Variants in KCNN2 observed in about 807,000 individuals in gnomAD.
KCNN2 encodes small conductance calcium-activated potassium channel protein 2.
KCNN2 carries 24 observed loss-of-function variants against 55.5 expected under a neutral mutation model. The observed-to-expected ratio is 0.43, with a 90% CI of 0.31 to 0.61. The LOEUF (loss-of-function observed/expected upper bound fraction) is 0.61. Ranked by LOEUF, KCNN2 falls within the 20% of genes least tolerant of loss-of-function variation. The probability of loss-of-function intolerance (pLI) is 0.08; values close to 1 mark genes in which losing one functional copy is unlikely to be tolerated. For synonymous variants in KCNN2, 431 were observed against 336.1 expected, an observed-to-expected ratio of 1.28 and a Z score of -3.09; for missense variants, 754 against 853.6, an observed-to-expected ratio of 0.88 and a Z score of 1.45.
intron 5 of KCNN2, among the ~76,000 whole-genome samples, chr5:114,480,883 G>A (rs920210222): frequency 3.3e-5 from 5 of 152,072 alleles, no homozygotes; most frequent in African/African-American, 9.7e-5. Context: ...AATAAGAGCC[G>A]TCTATGACAA....
At chr5:114,388,633 T>A (rs1334694410) in intron 2 of KCNN2, among the ~76,000 whole-genome samples, 1 of 152,164 alleles carries the variant, frequency 6.6e-6, no homozygotes, top group East Asian at 1.9e-4. Context: ...CTGGTTTATG[T>A]TTACTTCTTG....
At chr5:114,222,604 G>T (rs1754163314) in intron 2 of KCNN2, among the ~76,000 whole-genome samples, 1 of 152,086 alleles carries the variant, frequency 6.6e-6, no homozygotes, top group Non-Finnish European at 1.5e-5. Context: ...TTATCGGATG[G>T]GAATGTCAAT....
chr5:114,103,325 G>T (rs1356333302), intron 1 of KCNN2, among the ~76,000 whole-genome samples: 2 of 152,184 alleles, frequency 1.3e-5, no homozygotes, highest in Non-Finnish European at 2.9e-5. Flanking sequence ...AAGTTTTTGG[G>T]CTGAGATGAT....
At chr5:114,163,962 G>T (rs890942664) in intron 1 of KCNN2, among the ~76,000 whole-genome samples, 1 of 152,112 alleles carries the variant, frequency 6.6e-6, no homozygotes. Context: ...AGTCATGGGT[G>T]TAGAATATTG....
chr5:114,282,844 A>G (rs946195333), intron 2 of KCNN2, among the ~76,000 whole-genome samples: 4 of 152,168 alleles, frequency 2.6e-5, no homozygotes, highest in African/African-American at 4.8e-5. Context: ...ATTGCATTCA[A>G]TTAATGAATT....
At chr5:114,405,809 C>T (rs1262544631) in intron 3 of KCNN2, among the ~76,000 whole-genome samples, 1 of 151,604 alleles carries the variant, frequency 6.6e-6, no homozygotes, top group African/African-American at 2.4e-5. Flanking sequence ...CTCCCAGGTT[C>T]ACACCATTCT....
chr5:114,475,352 G>A (rs920978703), intron 5 of KCNN2, among the ~76,000 whole-genome samples: 1 of 151,750 alleles, frequency 6.6e-6, no homozygotes, highest in African/African-American at 2.4e-5. Flanking sequence ...CTACACACTA[G>A]ATGCCAGTAG....
At position 114,311,897 on chromosome 5, in the gene KCNN2, G is replaced by A. The variant is rs185611088; in HGVS notation, c.-184-49048G>A. Among the ~76,000 whole-genome samples, 26 of 152,178 alleles carry A rather than the reference G, an allele frequency of 1.7e-4. No homozygotes were observed. The South Asian group carries it at 5.0e-3, about 29-fold the overall frequency. The stretch of plus-strand genomic sequence containing the variant: ...GAAAACTCATGCTATCTCATGTGGC[G>A]CCATGAGGCCTAATAAAATGAGGAA... On this transcript the variant is annotated intron_variant, in intron 2 of 10. Coordinates refer to the KCNN2 transcript ENST00000512097.
intron 1 of KCNN2, among the ~76,000 whole-genome samples, chr5:114,144,485 A>G (rs1191168206): frequency 2.0e-5 from 3 of 152,174 alleles, no homozygotes; most frequent in Non-Finnish European, 4.4e-5. Flanking sequence ...AAAAATAAAT[A>G]GTTTACTCCT....
intron 1 of KCNN2, among the ~76,000 whole-genome samples, chr5:114,058,863 C>A (rs1750265345): frequency 6.6e-6 from 1 of 152,096 alleles, no homozygotes; most frequent in Non-Finnish European, 1.5e-5. Context: ...GAGGCCTCTG[C>A]AATGGTAGAG....
chr5:114,271,445 T>G (rs755555453), intron 2 of KCNN2, among the ~76,000 whole-genome samples: 16 of 152,102 alleles, frequency 1.1e-4, no homozygotes, highest in Non-Finnish European at 2.1e-4. Flanking sequence ...CAGCTTCACC[T>G]CTCATTACTA....
intron 2 of KCNN2, among the ~76,000 whole-genome samples, chr5:114,385,151 A>G (rs1758237010): frequency 6.6e-6 from 1 of 152,040 alleles, no homozygotes; most frequent in African/African-American, 2.4e-5. Flanking sequence ...TCAGGCCACC[A>G]ATTTCTCTCT....
At chr5:114,490,347 A>C (rs1267828788) in intron 6 of KCNN2, among the ~76,000 whole-genome samples, 2 of 152,168 alleles carry the variant, frequency 1.3e-5, no homozygotes, top group Non-Finnish European at 2.9e-5. Flanking sequence ...TCTTTTAACC[A>C]TATCACATTC....
chr5:114,157,688 G>A lies in KCNN2; in HGVS notation c.-270-63792G>A, dbSNP rs1752666088. Among the ~76,000 whole-genome samples, 3 of 152,228 alleles carry A rather than the reference G, an allele frequency of 2.0e-5. No individual in the cohort carries two copies. In the South Asian group the frequency reaches 6.2e-4, roughly 32 times the overall value. On this transcript the variant is annotated intron_variant, in intron 1 of 10. Coordinates refer to the KCNN2 transcript ENST00000512097. ...ACCTGTTGTTTCCTGACTTTTTAGT[G>A]ATCACCATTCTGACTGGTGTGAGAT...
intron 1 of KCNN2, among the ~76,000 whole-genome samples, chr5:114,071,378 T>C (rs1301165238): frequency 6.6e-6 from 1 of 152,192 alleles, no homozygotes; most frequent in Non-Finnish European, 1.5e-5. Context: ...GGCTGTCAGA[T>C]TACATTGTTC....
At chr5:114,208,466 G>A (rs375751870) in intron 1 of KCNN2, among the ~76,000 whole-genome samples, 94 of 152,248 alleles carry the variant, frequency 6.2e-4, no homozygotes, top group Non-Finnish European at 1.2e-3. Context: ...GATGAGGGTG[G>A]TGCCCAATTC....
chr5:114,447,312 T>C (rs1760456192), intron 3 of KCNN2, among the ~76,000 whole-genome samples: 1 of 152,242 alleles, frequency 6.6e-6, no homozygotes, highest in South Asian at 2.1e-4. Context: ...CCATTTAAGT[T>C]CACTGCACTG....
At chr5:114,100,375 A>T (rs1325303700) in intron 1 of KCNN2, among the ~76,000 whole-genome samples, 1 of 152,164 alleles carries the variant, frequency 6.6e-6, no homozygotes, top group Non-Finnish European at 1.5e-5. Flanking sequence ...TAATTTGTTA[A>T]GTTTCTTGTT....
chr5:114,412,567 T>A (rs1759170262), intron 3 of KCNN2, among the ~76,000 whole-genome samples: 1 of 152,232 alleles, frequency 6.6e-6, no homozygotes. Context: ...AAGTTTCACT[T>A]GTTCTATTTG....
Sources: allele counts gnomAD v4.1 joint callset (sites outside exome capture counted in the v4.1 genomes callset), GRCh38; gene constraint gnomAD v4.1.1; transcripts MANE v1.5; gene names NCBI Gene and HGNC (gene_info 2026-07-23, HGNC 2026-07-21).